MTOR: variants seen among roughly 807,000 people sequenced by gnomAD.
MTOR encodes the protein serine/threonine-protein kinase mTOR.
MTOR carries 70 observed loss-of-function variants against 319.8 expected under a neutral mutation model. That is an observed-to-expected ratio of 0.22 (90% CI 0.18 to 0.27). The LOEUF is 0.27. Among genes scored for constraint, MTOR ranks in the 10% least tolerant of loss-of-function variants. MTOR has a pLI of 1.00. For missense variants in MTOR, 1,890 were observed against 3,274.4 expected (o/e 0.58, Z 10.32); for synonymous variants, 1,183 against 1,211.4 (o/e 0.98, Z 0.49).
chr1:11,200,576 A>G (rs961871419), intron 26 of MTOR, among the ~76,000 whole-genome samples: 1 of 152,228 alleles, frequency 6.6e-6, no homozygotes, highest in Non-Finnish European at 1.5e-5. Context: ...CAATGGATAG[A>G]TTTAGCATTT....
At chr1:11,255,583 G>A in intron 5 of MTOR, among the ~76,000 whole-genome samples, 1 of 152,036 alleles carries the variant, frequency 6.6e-6, no homozygotes, top group East Asian at 1.9e-4. Flanking sequence ...AGGCGCGGTA[G>A]CTCATGTCTG....
intron 28 of MTOR, chr1:11,194,841 T>C: frequency 1.2e-6 from 2 of 1,613,712 alleles, no homozygotes; most frequent in Non-Finnish European, 1.7e-6. Context: ...ACTGGGTCTG[T>C]TTCTCATGCC....
At chr1:11,126,043 A>AAAC (rs1394438251) in intron 46 of MTOR, among the ~76,000 whole-genome samples, 68 of 119,004 alleles carry the variant, frequency 5.7e-4, no homozygotes, top group African/African-American at 1.6e-3. Flanking sequence ...CTCTGGCTCA[A>AAAC]AAAAAAAAAA....
chr1:11,107,524 A>G (rs753087083), intron 57 of MTOR, 24 bp from the exon 58 acceptor site: 10 of 1,611,162 alleles, frequency 6.2e-6, no homozygotes, highest in Admixed American at 1.7e-5. Flanking sequence ...AAGAAAAGGA[A>G]TATTTTAATA....
chr1:11,176,435 G>T (rs1431434045), intron 28 of MTOR, among the ~76,000 whole-genome samples: 1 of 152,202 alleles, frequency 6.6e-6, no homozygotes, highest in Admixed American at 6.5e-5. Flanking sequence ...CAACGCTCAG[G>T]CTTCCCCAGC....
At chr1:11,194,620 A>T in intron 28 of MTOR, 1 of 1,614,210 alleles carries the variant, frequency 6.2e-7, no homozygotes, top group Non-Finnish European at 8.5e-7. Flanking sequence ...GGACAAGGAC[A>T]ATGACAACTG....
At chr1:11,119,240 G>A (rs956151753) in intron 49 of MTOR, among the ~76,000 whole-genome samples, 1 of 151,774 alleles carries the variant, frequency 6.6e-6, no homozygotes, top group African/African-American at 2.4e-5. Flanking sequence ...AGACCAGCCT[G>A]GCCAACACAG....
rs561694001 is a variant in MTOR at position 11,212,752 on chromosome 1, C to T, written c.3398+44G>A. The T allele has an allele frequency of 2.2e-5, 33 of 1,500,382 alleles. No individual in the cohort carries two copies. The Middle Eastern group carries it at 1.2e-3, about 55-fold the overall frequency. 92.9% of individuals were successfully genotyped at this position (1,500,382 alleles called of 1,614,324 possible). A position where few individuals can be genotyped will look rare whatever the true frequency, so the allele number is the denominator to read the frequency against. ...TAAGAAATGAACATTTTCAACAAAACATTAAAGCTTAAAGATTGCTAGTCC... is the reference window on the plus strand; with the variant it reads ...TAAGAAATGAACATTTTCAACAAAATATTAAAGCTTAAAGATTGCTAGTCC... On this transcript the variant is annotated intron_variant, in intron 22 of 57. Transcript: ENST00000361445. The surrounding 1 kb of genome is among the most constrained non-coding windows in gnomAD (Gnocchi z 4.1).
At chr1:11,172,828 C>T (rs1644864242) in intron 28 of MTOR, among the ~76,000 whole-genome samples, 1 of 147,104 alleles carries the variant, frequency 6.8e-6, no homozygotes, top group Admixed American at 6.8e-5. Flanking sequence ...CACCACTGCA[C>T]TCCAGCCTGA....
chr1:11,122,148 G>C (rs1306952999), intron 47 of MTOR, 22 bp from the exon 48 acceptor site: 1 of 1,614,106 alleles, frequency 6.2e-7, no homozygotes, highest in Admixed American at 1.7e-5. Context: ...AGAAAAGCAG[G>C]GTTAGTGTAC....
At chr1:11,241,416 G>A in intron 10 of MTOR, 137 bp downstream of exon 10, 1 of 987,176 alleles carries the variant, frequency 1.0e-6, no homozygotes, top group African/African-American at 1.6e-5. Context: ...TTCAGTACTA[G>A]CCTGTGTGTT....
chr1:11,117,161 T>A (rs1366063136), intron 49 of MTOR, 75 bp from the exon 50 acceptor site: 1 of 1,242,748 alleles, frequency 8.0e-7, no homozygotes, highest in South Asian at 1.4e-5. Flanking sequence ...TAATAAGCTG[T>A]CTTTGGTTTG....
chr1:11,216,739 C>T (rs879532858), intron 19 of MTOR, among the ~76,000 whole-genome samples: 5 of 151,674 alleles, frequency 3.3e-5, no homozygotes, highest in East Asian at 1.9e-4. Flanking sequence ...ACACACAAGG[C>T]GAGCCAGTTA....
chr1:11,119,915 G>A (rs1302330624), intron 49 of MTOR, among the ~76,000 whole-genome samples: 1 of 151,622 alleles, frequency 6.6e-6, no homozygotes, highest in African/African-American at 2.4e-5. Flanking sequence ...CCCAAAATCT[G>A]CAATACTCAA....
chr1:11,125,315 C>T (rs958923652), intron 46 of MTOR, among the ~76,000 whole-genome samples: 2 of 152,174 alleles, frequency 1.3e-5, no homozygotes, highest in Non-Finnish European at 1.5e-5. Context: ...CCCCAAGAAC[C>T]AGCCTGACCC....
At chr1:11,248,812 A>C (rs1557484341) in intron 6 of MTOR, among the ~76,000 whole-genome samples, 1 of 152,016 alleles carries the variant, frequency 6.6e-6, no homozygotes, top group Non-Finnish European at 1.5e-5. Context: ...AATCTGTCTC[A>C]AAAAAACAAA....
At chr1:11,229,289 A>G (rs1437390855) in intron 18 of MTOR, among the ~76,000 whole-genome samples, 1 of 152,214 alleles carries the variant, frequency 6.6e-6, no homozygotes, top group Non-Finnish European at 1.5e-5. Flanking sequence ...AATTAGGCAA[A>G]CATCTGTTCA....
intron 25 of MTOR, among the ~76,000 whole-genome samples, chr1:11,205,645 A>G (rs1328747117): frequency 1.3e-5 from 2 of 152,224 alleles, no homozygotes; most frequent in Non-Finnish European, 2.9e-5. Context: ...GCTGAGCCTC[A>G]GAGTGCCTCA....
At chr1:11,196,519 C>T (rs1276077886) in intron 28 of MTOR, among the ~76,000 whole-genome samples, 1 of 152,026 alleles carries the variant, frequency 6.6e-6, no homozygotes, top group Non-Finnish European at 1.5e-5. Context: ...AGCAAGAGAA[C>T]AATACTGTCA....
Sources: allele counts gnomAD v4.1 joint callset (sites outside exome capture counted in the v4.1 genomes callset), GRCh38; gene constraint gnomAD v4.1.1; non-coding constraint Gnocchi (gnomAD v3.1); transcripts MANE v1.5; gene names NCBI Gene and HGNC (gene_info 2026-07-23, HGNC 2026-07-21).